Variants in THSD4 observed in about 807,000 individuals in gnomAD.
The protein encoded by THSD4 is thrombospondin type 1 domain containing 4, also known as thrombospondin type-1 domain-containing protein 4.
THSD4 carries 69 observed loss-of-function variants against 119.0 expected under a neutral mutation model. The observed-to-expected ratio is 0.58, with a 90% CI of 0.48 to 0.71. THSD4 has a LOEUF of 0.71. Among genes scored for constraint, THSD4 ranks in the 30% least tolerant of loss-of-function variants. The probability of loss-of-function intolerance (pLI) is 0.00; values close to 1 mark genes in which losing one functional copy is unlikely to be tolerated. For missense variants in THSD4, 1,393 were observed against 1,391.1 expected (o/e 1.00, Z -0.02); for synonymous variants, 524 against 540.4 (o/e 0.97, Z 0.42).
intron 7 of THSD4, among the ~76,000 whole-genome samples, chr15:71,542,746 G>C (rs113646145): frequency 1.3e-5 from 2 of 151,834 alleles, no homozygotes; most frequent in Non-Finnish European, 2.9e-5. Flanking sequence ...GTATGGTGGC[G>C]GGCACTTGTA....
chr15:71,701,984 C>T (rs2052299170), intron 8 of THSD4, among the ~76,000 whole-genome samples: 2 of 152,214 alleles, frequency 1.3e-5, no homozygotes, highest in Admixed American at 6.5e-5. Context: ...GCTGCACAGC[C>T]TATAAATCAA....
chr15:71,099,628 C>T lies in THSD4; in HGVS notation c.-80+2622C>T, dbSNP rs2040245587. ...TGATTATATGGTTTAGCTTTCTTTCCATATTTTAATTTTTATTCTGATCAT... is the reference window on the plus strand; with the variant it reads ...TGATTATATGGTTTAGCTTTCTTTCTATATTTTAATTTTTATTCTGATCAT... On this transcript the variant is annotated intron_variant, in intron 1 of 17. Coordinates refer to the THSD4 transcript ENST00000355327. Among the ~76,000 whole-genome samples the T allele has an allele frequency of 2.0e-5, 3 of 151,856 alleles. No homozygotes were observed. In the South Asian group the frequency reaches 6.3e-4, roughly 32 times the overall value.
intron 1 of THSD4, among the ~76,000 whole-genome samples, chr15:71,117,896 T>C (rs2040376357): frequency 6.6e-6 from 1 of 152,190 alleles, no homozygotes; most frequent in African/African-American, 2.4e-5. Context: ...GACAATATCA[T>C]TGCCTTCAGG....
chr15:71,336,842 A>T (rs1314532152), intron 6 of THSD4, among the ~76,000 whole-genome samples: 1 of 152,260 alleles, frequency 6.6e-6, no homozygotes, highest in East Asian at 1.9e-4. Context: ...AAACCTGTTA[A>T]AACGAGCTAG....
At chr15:71,242,230 GA>G (rs1413956287) in intron 4 of THSD4, among the ~76,000 whole-genome samples, 1 of 150,570 alleles carries the variant, frequency 6.6e-6, no homozygotes, top group South Asian at 2.1e-4. Flanking sequence ...TACATGATTA[GA>G]AAAAAAAAGT....
At chr15:71,102,050 C>T (rs1019646276) in intron 1 of THSD4, among the ~76,000 whole-genome samples, 1 of 152,098 alleles carries the variant, frequency 6.6e-6, no homozygotes, top group Non-Finnish European at 1.5e-5. Context: ...AAATGTTATT[C>T]TACTTCCCTC....
chr15:71,134,662 G>A (rs1022358098), intron 1 of THSD4, among the ~76,000 whole-genome samples: 25 of 152,248 alleles, frequency 1.6e-4, no homozygotes, highest in Non-Finnish European at 2.6e-4. Context: ...GACTGAAAGA[G>A]TCTACCTTTA....
At chr15:71,223,872 A>T (rs1001259479) in intron 4 of THSD4, among the ~76,000 whole-genome samples, 1 of 152,106 alleles carries the variant, frequency 6.6e-6, no homozygotes, top group Non-Finnish European at 1.5e-5. Flanking sequence ...GGTGGAAAAG[A>T]TGGGAAAGAG....
In THSD4 at chr15:71,625,831, A is replaced by G. The variant is rs148349771; in HGVS notation, c.1153-34699A>G. 3.5e-3 allele frequency among the ~76,000 whole-genome samples: 526 copies of G among 152,282 alleles called. 1 individual carries two copies. The highest frequency in any genetic ancestry group is 6.3e-3 in the Non-Finnish European group (430 of 68,010). On this transcript the variant is annotated intron_variant, in intron 7 of 17. Coordinates refer to ENST00000261862, the MANE Select transcript of THSD4 (RefSeq NM_024817.3). ...GGGGGTGGAGACTAAGAGGTGATAG[A>G]TTGCTAAGGTAGAGAGGGGCACAGC...
intron 1 of THSD4, among the ~76,000 whole-genome samples, chr15:71,099,117 C>T (rs1192320667): frequency 1.3e-5 from 2 of 152,208 alleles, no homozygotes; most frequent in African/African-American, 4.8e-5. Context: ...AAAATGCCTC[C>T]TACTCCACCC....
Position 71,712,590 on chromosome 15 carries a change from C to G in THSD4, c.1358-15959C>G, listed in dbSNP as rs555672255. Among the ~76,000 whole-genome samples the G allele has an allele frequency of 8.5e-5, 13 of 152,230 alleles. No homozygotes were observed. The South Asian group carries it at 2.1e-3, about 24-fold the overall frequency. The stretch of plus-strand genomic sequence containing the variant: ...ATCAGTGAAATTTAAGACAGAAAAA[C>G]AATAGAGAAAATTAAGAAACAAAAT... On this transcript the variant is annotated intron_variant, in intron 8 of 17. Coordinates refer to ENST00000261862, the MANE Select transcript of THSD4 (RefSeq NM_024817.3).
chr15:71,637,691 T>G (rs1211082416), intron 7 of THSD4, among the ~76,000 whole-genome samples: 2 of 149,300 alleles, frequency 1.3e-5, no homozygotes, highest in African/African-American at 2.5e-5. Flanking sequence ...GGGTACAGAG[T>G]AGAGGTGGAT....
intron 6 of THSD4, among the ~76,000 whole-genome samples, chr15:71,376,932 G>A (rs2046144437): frequency 6.6e-6 from 1 of 152,194 alleles, no homozygotes; most frequent in Non-Finnish European, 1.5e-5. Context: ...TCTGGGTTGG[G>A]GAAGGTGGTG....
At chr15:71,344,304 A>G (rs2045625615) in intron 6 of THSD4, among the ~76,000 whole-genome samples, 1 of 150,198 alleles carries the variant, frequency 6.7e-6, no homozygotes, top group Non-Finnish European at 1.5e-5. Context: ...CGGCCCCCCA[A>G]AGTACTGGGA....
chr15:71,511,508 T>A (rs1326854693), intron 7 of THSD4, among the ~76,000 whole-genome samples: 1 of 152,218 alleles, frequency 6.6e-6, no homozygotes, highest in Non-Finnish European at 1.5e-5. Flanking sequence ...CTACAAATAT[T>A]TAAGGATCTG....
chr15:71,362,964 A>G (rs1318724129), intron 6 of THSD4, among the ~76,000 whole-genome samples: 2 of 116,932 alleles, frequency 1.7e-5, no homozygotes, highest in East Asian at 2.6e-4. Flanking sequence ...ATGATAGCTG[A>G]TGAGCTAAAA....
At chr15:71,350,416 G>T (rs2045728869) in intron 6 of THSD4, among the ~76,000 whole-genome samples, 1 of 152,064 alleles carries the variant, frequency 6.6e-6, no homozygotes, top group Non-Finnish European at 1.5e-5. Context: ...GAACAGGAAT[G>T]AACCCTTTAC....
intron 6 of THSD4, among the ~76,000 whole-genome samples, chr15:71,339,166 T>C (rs2045529067): frequency 6.6e-6 from 1 of 152,212 alleles, no homozygotes; most frequent in South Asian, 2.1e-4. Context: ...TCTGGGTTCT[T>C]CATAGCATTT....
At chr15:71,544,374 G>A (rs1289310617) in intron 7 of THSD4, among the ~76,000 whole-genome samples, 6 of 152,160 alleles carry the variant, frequency 3.9e-5, no homozygotes, top group South Asian at 2.1e-4. Context: ...AGTGCTCAAC[G>A]AATGTTGGCT....
Sources: gnomAD v4.1 joint callset for allele counts (sites outside exome capture counted in the v4.1 genomes callset) on GRCh38, gnomAD v4.1.1 for gene constraint, MANE v1.5 for transcripts, NCBI Gene and HGNC (gene_info 2026-07-23, HGNC 2026-07-21) for gene names.